The following RAB38 variants were observed in gnomAD, a reference collection of about 807,000 sequenced individuals.
The protein encoded by RAB38 is RAB38, member RAS oncogene family.
In RAB38, 15 loss-of-function variants were observed where a neutral mutation model predicts 18.4. The ratio of observed to expected loss-of-function variants is 0.82; its 90% CI spans 0.55 to 1.26. RAB38 has a LOEUF of 1.26. RAB38 is among the 50% of genes most tolerant of loss of function. The pLI is 0.00. For synonymous variants in RAB38, 101 were observed against 104.4 expected (o/e 0.97, Z 0.20); for missense variants, 294 against 267.4 (o/e 1.10, Z -0.69).
chr11:88,143,897 G>A (rs567442876), intron 2 of RAB38, among the ~76,000 whole-genome samples: 4 of 152,110 alleles, frequency 2.6e-5, no homozygotes, highest in Admixed American at 6.5e-5. Flanking sequence ...AAGCATTGAC[G>A]TAGGGAACCT....
chr11:88,004,003 A>G, the RAB38 span, among the ~76,000 whole-genome samples: 2 of 131,866 alleles, frequency 1.5e-5, no homozygotes, highest in African/African-American at 5.9e-5. Context: ...ATATATATAA[A>G]AAAGGTATAT....
the RAB38 span, among the ~76,000 whole-genome samples, chr11:88,009,560 C>T: frequency 6.6e-6 from 1 of 152,056 alleles, no homozygotes; most frequent in East Asian, 1.9e-4. Flanking sequence ...ATAGAGGATT[C>T]CAGAAGGAGT....
the RAB38 span, among the ~76,000 whole-genome samples, chr11:87,977,760 TTATATTATAGTTATATATTATATC>T: frequency 1.8e-5 from 1 of 56,274 alleles, no homozygotes; most frequent in Non-Finnish European, 3.6e-5. Flanking sequence ...TATATATATA[TTATATTATAGTTATATATTATATC>T]ATAGTTATAT....
At chr11:88,133,501 A>G (rs1191796139) in intron 2 of RAB38, among the ~76,000 whole-genome samples, 1 of 152,150 alleles carries the variant, frequency 6.6e-6, no homozygotes, top group Non-Finnish European at 1.5e-5. Flanking sequence ...ATCTCTAACT[A>G]CTATAAAGTC....
chr11:87,938,657 G>A, the RAB38 span, among the ~76,000 whole-genome samples: 1 of 35,526 alleles, frequency 2.8e-5, no homozygotes, highest in East Asian at 7.6e-4. Flanking sequence ...TGTTGTTGTT[G>A]TTTTTTGTTT....
chr11:87,850,828 A>G, the RAB38 span, among the ~76,000 whole-genome samples: 6 of 152,228 alleles, frequency 3.9e-5, no homozygotes, highest in Admixed American at 1.3e-4. Context: ...ATTTAATCTG[A>G]GGAATTTTAG....
At chr11:88,025,140 C>G in the RAB38 span, among the ~76,000 whole-genome samples, 1 of 151,442 alleles carries the variant, frequency 6.6e-6, no homozygotes, top group Non-Finnish European at 1.5e-5. Context: ...ATATTTACAC[C>G]TACTATGTAG....
At chr11:88,108,460 G>T (rs1942429567), downstream of RAB38, among the ~76,000 whole-genome samples, 1 of 151,796 alleles carries the variant, frequency 6.6e-6, no homozygotes, top group Non-Finnish European at 1.5e-5. Context: ...GTTTTTGTTT[G>T]TTTTTTTGTT....
the RAB38 span, among the ~76,000 whole-genome samples, chr11:88,052,933 TA>T: frequency 2.6e-3 from 70 of 26,850 alleles, 7 homozygotes; most frequent in African/African-American, 9.2e-3. Context: ...TATATATATA[TA>T]TATATATATA....
the RAB38 span, among the ~76,000 whole-genome samples, chr11:87,827,087 C>G: frequency 1.3e-5 from 2 of 152,082 alleles, no homozygotes; most frequent in South Asian, 2.1e-4. Flanking sequence ...CTTCTATCAA[C>G]AAGCCTCTGG....
the RAB38 span, among the ~76,000 whole-genome samples, chr11:87,943,634 G>T: frequency 6.6e-6 from 1 of 152,126 alleles, no homozygotes; most frequent in East Asian, 1.9e-4. Flanking sequence ...AGTGTAAGAG[G>T]ATTCACCATA....
chr11:88,091,040 T>C, the RAB38 span, among the ~76,000 whole-genome samples: 1 of 151,870 alleles, frequency 6.6e-6, no homozygotes, highest in Non-Finnish European at 1.5e-5. Context: ...ATAAAATGGG[T>C]GCTGGAGCAA....
At chr11:87,947,494 G>T in the RAB38 span, among the ~76,000 whole-genome samples, 53 of 152,108 alleles carry the variant, frequency 3.5e-4, no homozygotes, top group African/African-American at 1.2e-3. Flanking sequence ...ATTGCCTAGG[G>T]TTTCTTCTAG....
chr11:88,130,318 G>T (rs1384423815), intron 2 of RAB38, among the ~76,000 whole-genome samples: 1 of 151,612 alleles, frequency 6.6e-6, no homozygotes, highest in Non-Finnish European at 1.5e-5. Context: ...GAAGGGAAGT[G>T]AACGCAGAAC....
At chr11:87,859,016 G>T in the RAB38 span, among the ~76,000 whole-genome samples, 10 of 150,098 alleles carry the variant, frequency 6.7e-5, no homozygotes, top group African/African-American at 2.4e-4. Flanking sequence ...ATATAAAGAA[G>T]AACATAACAA....
At chr11:87,926,197 T>C in the RAB38 span, among the ~76,000 whole-genome samples, 6 of 152,122 alleles carry the variant, frequency 3.9e-5, no homozygotes, top group South Asian at 1.0e-3. Flanking sequence ...TTGTCAACCT[T>C]ATGATTTTAC....
chr11:87,924,509 TG>T, the RAB38 span, among the ~76,000 whole-genome samples: 7,327 of 152,046 alleles, frequency 0.048, 563 homozygotes, highest in African/African-American at 0.16. Context: ...AGTAAATTTT[TG>T]ATGGAGAAAG....
In RAB38 at chr11:88,120,453, C is replaced by A. The variant is rs185759941; in HGVS notation, c.484-6313G>T. 3.7e-4 allele frequency among the ~76,000 whole-genome samples: 56 copies of A among 152,262 alleles called. No homozygotes were observed. The East Asian group carries it at 9.9e-3, about 27-fold the overall frequency. ...CCATGGTATCTCCATGAAGAGAAGGCGTACATGGTGAATGTGACGCAGAGA... is the reference window on the plus strand; with the variant it reads ...CCATGGTATCTCCATGAAGAGAAGGAGTACATGGTGAATGTGACGCAGAGA... On this transcript the variant is annotated intron_variant, in intron 2 of 2. Coordinates refer to ENST00000243662, the MANE Select transcript of RAB38 (RefSeq NM_022337.3).
chr11:87,910,038 G>T, the RAB38 span, among the ~76,000 whole-genome samples: 33 of 152,028 alleles, frequency 2.2e-4, no homozygotes, highest in Non-Finnish European at 2.9e-5. Flanking sequence ...ATATATAAAA[G>T]TTTCATTTAC....
Sources: allele counts gnomAD v4.1 joint callset (sites outside exome capture counted in the v4.1 genomes callset), GRCh38; gene constraint gnomAD v4.1.1; transcripts MANE v1.5; gene names NCBI Gene and HGNC (gene_info 2026-07-23, HGNC 2026-07-21).